The following RPS6KA1 variants were observed in gnomAD, a reference collection of about 807,000 sequenced individuals.
The protein encoded by RPS6KA1 is ribosomal protein S6 kinase A1, also known as ribosomal protein S6 kinase alpha-1.
Under a neutral mutation model 91.3 loss-of-function variants are expected in RPS6KA1, and 48 were observed. That is an observed-to-expected ratio of 0.53 (90% CI 0.42 to 0.67). The LOEUF (loss-of-function observed/expected upper bound fraction) is 0.67. Among genes scored for constraint, RPS6KA1 ranks in the 30% least tolerant of loss-of-function variants. The probability of loss-of-function intolerance (pLI) is 0.00; values close to 1 mark genes in which losing one functional copy is unlikely to be tolerated. For missense variants in RPS6KA1, 719 were observed against 960.5 expected (o/e 0.75, Z 3.32); for synonymous variants, 359 against 384.7 (o/e 0.93, Z 0.78).
rs1570442598 is a variant in RPS6KA1, at chr1:26,554,515, G to A, written c.614-81G>A. 2.0e-6 allele frequency: 3 copies of A among 1,532,178 alleles called. No homozygotes were observed. Among genetic ancestry groups the A allele is most frequent in the Non-Finnish European group, 2.7e-6 (3 of 1,131,824 alleles). The allele number at this position is 1,532,178 out of a possible 1,614,324, so 94.9% of individuals were successfully genotyped here. ...GGGGGTGATGCCTTCTGGCCTCTGG[G>A]CACGGGGGTTGGGTGTGCAAAGGGT... is the stretch of plus-strand genomic sequence containing the variant. On this transcript the variant is annotated intron_variant, in intron 8 of 21. Transcript: ENST00000374168. This position sits in a 1 kb window ranked among gnomAD's most constrained non-coding sequence, Gnocchi z 4.6.
At chr1:26,572,077 G>A (rs1417285246) in intron 19 of RPS6KA1, 99 bp from the exon 20 acceptor site, 11 of 1,309,458 alleles carry the variant, frequency 8.4e-6, no homozygotes, top group Non-Finnish European at 7.7e-6. Context: ...TCTACCTTGG[G>A]AGTACCCCAT....
intron 2 of RPS6KA1, among the ~76,000 whole-genome samples, chr1:26,541,656 G>C (rs2075948987): frequency 2.6e-5 from 4 of 152,260 alleles, no homozygotes; most frequent in Admixed American, 2.6e-4. Context: ...TTGGAGGCCA[G>C]CTCCCCCTCA....
At position 26,571,635 on chromosome 1, in the gene RPS6KA1, G is replaced by T; in HGVS notation, c.1752+25G>T. On this transcript the variant is annotated intron_variant, in intron 18 of 21. Coordinates refer to ENST00000374168, the MANE Select transcript of RPS6KA1 (RefSeq NM_002953.4). The surrounding 1 kb of genome is among the most constrained non-coding windows in gnomAD (Gnocchi z 5.1). ...GGTGAGTGGCCCAGCCTCCTCAGCTGTAAGAGTGAGGGGGAATTGGAGGCC... is the reference window on the plus strand; with the variant it reads ...GGTGAGTGGCCCAGCCTCCTCAGCTTTAAGAGTGAGGGGGAATTGGAGGCC... 6.2e-7 allele frequency: 1 copy of T among 1,611,134 alleles called. No homozygotes were observed. Among genetic ancestry groups the T allele is most frequent in the Non-Finnish European group, 8.5e-7 (1 of 1,178,182 alleles).
chr1:26,536,240 A>G (rs2075905625), intron 1 of RPS6KA1, among the ~76,000 whole-genome samples: 1 of 150,922 alleles, frequency 6.6e-6, no homozygotes, highest in Non-Finnish European at 1.5e-5. Flanking sequence ...CTTGGAAGAG[A>G]GCAGCTGTTA....
intron 14 of RPS6KA1, among the ~76,000 whole-genome samples, chr1:26,559,708 C>T (rs188301880): frequency 6.6e-6 from 1 of 152,194 alleles, no homozygotes; most frequent in East Asian, 1.9e-4. Flanking sequence ...CTCCCTTCCT[C>T]GTGCCTCAGT....
chr1:26,555,476 C>T lies in RPS6KA1; in HGVS notation c.828-61C>T, dbSNP rs1453274939. On this transcript the variant is annotated intron_variant, in intron 10 of 21. Coordinates refer to ENST00000374168, the MANE Select transcript of RPS6KA1 (RefSeq NM_002953.4). The surrounding 1 kb of genome is among the most constrained non-coding windows in gnomAD (Gnocchi z 4.3). ...CTGGGAACTAGATCTGGACAGGGGC[C>T]GGGGGAGATGGGGCCTCTGGGGCAG... is the stretch of plus-strand genomic sequence containing the variant. 11 of 1,472,904 alleles carry T rather than the reference C, an allele frequency of 7.5e-6. 1 individual carries two copies. The highest frequency in any genetic ancestry group is 3.6e-5 in the South Asian group (3 of 82,542). 91.2% of individuals were successfully genotyped at this position (1,472,904 alleles called of 1,614,324 possible). A position where few individuals can be genotyped will look rare whatever the true frequency, so the allele number is the denominator to read the frequency against.
chr1:26,530,542 C>G (rs1242623294), intron 1 of RPS6KA1, among the ~76,000 whole-genome samples: 1 of 152,200 alleles, frequency 6.6e-6, no homozygotes, highest in Non-Finnish European at 1.5e-5. Context: ...CCAGAGGACA[C>G]CTGTGTGCCC....
chr1:26,569,169 CAAA>C (rs61293169), intron 17 of RPS6KA1, among the ~76,000 whole-genome samples: 43 of 139,878 alleles, frequency 3.1e-4, no homozygotes, highest in Admixed American at 4.3e-4. Context: ...GACTCCATCT[CAAA>C]AAAAAAAAAA....
intron 11 of RPS6KA1, chr1:26,556,284 A>C (rs1242694093): frequency 3.5e-6 from 1 of 289,370 alleles, no homozygotes; most frequent in Non-Finnish European, 6.6e-6. Flanking sequence ...CCTATGGTTG[A>C]AAAGGTCAAT....
At chr1:26,533,478 G>T (rs2075883058) in intron 1 of RPS6KA1, among the ~76,000 whole-genome samples, 1 of 152,068 alleles carries the variant, frequency 6.6e-6, no homozygotes. Context: ...GCCTGAGGCG[G>T]GTGGATCACC....
At chr1:26,550,180 ATTTTTTT>A (rs749615792) in intron 4 of RPS6KA1, among the ~76,000 whole-genome samples, 1 of 106,284 alleles carries the variant, frequency 9.4e-6, no homozygotes, top group Non-Finnish European at 1.9e-5. Context: ...CGCCTGGCCA[ATTTTTTT>A]TTTTTTTTTT....
intron 1 of RPS6KA1, among the ~76,000 whole-genome samples, chr1:26,535,999 C>G (rs2075903305): frequency 6.6e-6 from 1 of 151,894 alleles, no homozygotes; most frequent in Non-Finnish European, 1.5e-5. Context: ...AAAAAAAATA[C>G]AAAAATTAGC....
At chr1:26,530,028 C>T in intron 1 of RPS6KA1, 45 bp downstream of exon 1, 2 of 1,271,820 alleles carry the variant, frequency 1.6e-6, no homozygotes, top group Non-Finnish European at 1.0e-6. Context: ...CCGGCGAGCC[C>T]GGATCCTCAC....
Position 26,551,826 on chromosome 1 carries a change from C to T in RPS6KA1, c.468+103C>T, listed in dbSNP as rs1356615778. 3.4e-5 allele frequency: 34 copies of T among 1,011,766 alleles called. No individual in the cohort carries two copies. The highest frequency in any genetic ancestry group is 4.6e-5 in the Non-Finnish European group (30 of 649,422). The allele number at this position is 1,011,766 out of a possible 1,614,324, so 62.7% of individuals were successfully genotyped here. A position where few individuals can be genotyped will look rare whatever the true frequency, so the allele number is the denominator to read the frequency against. On this transcript the variant is annotated intron_variant, in intron 6 of 21. Transcript: ENST00000374168. The surrounding 1 kb of genome is among the most constrained non-coding windows in gnomAD (Gnocchi z 4.5). ...CAGAATGTGTTTGGTATGGCTTGAA[C>T]CTGGAACCACCCAGGCCTGCCTAGC... is the stretch of plus-strand genomic sequence containing the variant.
rs2075999256 is a variant in RPS6KA1 at position 26,546,878 on chromosome 1, C to T, written c.120C>T (p.Val40=). 6.2e-7 allele frequency: 1 copy of T among 1,613,978 alleles called. No individual in the cohort carries two copies. Among genetic ancestry groups the T allele is most frequent in the South Asian group, 1.1e-5 (1 of 91,076 alleles). Residue 40 remains valine, a synonymous_variant, in exon 3 of 22, where the codon GTC becomes GTT. Coordinates refer to ENST00000374168, the MANE Select transcript of RPS6KA1 (RefSeq NM_002953.4). ...AGLQPSKDEG[V]LKEISITHHV... The stretch of plus-strand genomic sequence containing the variant: ...TGTCCCTCCATCAGGATGAGGGCGT[C>T]CTCAAGGAGATCTCCATCACGCACC...
chr1:26,563,235 C>T (rs188743940), intron 17 of RPS6KA1, among the ~76,000 whole-genome samples: 4 of 151,592 alleles, frequency 2.6e-5, no homozygotes, highest in Admixed American at 2.6e-4. Context: ...AATCTCTCCC[C>T]CTTTTTTTTG....
chr1:26,555,331 G>T lies in RPS6KA1; in HGVS notation c.827+110G>T. 2 of 1,137,852 alleles carry T rather than the reference G, an allele frequency of 1.8e-6. No homozygotes were observed. Among genetic ancestry groups the T allele is most frequent in the South Asian group, 2.8e-5 (2 of 72,688 alleles). The allele number at this position is 1,137,852 out of a possible 1,614,324, so 70.5% of individuals were successfully genotyped here. ...CTGCCTCAGCTACCCTCTCTAATGA[G>T]ACTCTCCTCTGGGTTAAACATTATA... is the stretch of plus-strand genomic sequence containing the variant. On this transcript the variant is annotated intron_variant, in intron 10 of 21. Transcript: ENST00000374168. The surrounding 1 kb of genome is among the most constrained non-coding windows in gnomAD (Gnocchi z 4.3).
At chr1:26,548,730 T>C (rs1306271794) in intron 4 of RPS6KA1, among the ~76,000 whole-genome samples, 2 of 146,554 alleles carry the variant, frequency 1.4e-5, no homozygotes, top group African/African-American at 2.5e-5. Flanking sequence ...ACCCAGGAGG[T>C]GGAGATTGCA....
In RPS6KA1 at chr1:26,554,176, A is replaced by C. The variant is rs1351429703; in HGVS notation, c.576-38A>C. On this transcript the variant is annotated intron_variant, in intron 7 of 21. Transcript: ENST00000374168. This position sits in a 1 kb window ranked among gnomAD's most constrained non-coding sequence, Gnocchi z 4.6. ...TGGTAACACCATCACCCACACGGCCACAGCTGAGGGGCCCTGACCACTATT... is the reference window on the plus strand; with the variant it reads ...TGGTAACACCATCACCCACACGGCCCCAGCTGAGGGGCCCTGACCACTATT... 6.5e-7 allele frequency: 1 copy of C among 1,547,864 alleles called. No individual in the cohort carries two copies. Among genetic ancestry groups the C allele is most frequent in the South Asian group, 1.2e-5 (1 of 83,690 alleles).
Sources: allele counts gnomAD v4.1 joint callset (sites outside exome capture counted in the v4.1 genomes callset), GRCh38; gene constraint gnomAD v4.1.1; non-coding constraint Gnocchi (gnomAD v3.1); transcripts MANE v1.5; gene names NCBI Gene and HGNC (gene_info 2026-07-23, HGNC 2026-07-21).